The following NCOA5 variants were observed in gnomAD, a reference collection of about 807,000 sequenced individuals.
NCOA5 encodes the protein NCoA-5.
NCOA5 carries 12 observed loss-of-function variants against 59.0 expected under a neutral mutation model. That is an observed-to-expected ratio of 0.20 (90% CI 0.13 to 0.33). The LOEUF is 0.33. Among genes scored for constraint, NCOA5 ranks in the 10% least tolerant of loss-of-function variants. The pLI is 1.00. For synonymous variants in NCOA5, 270 were observed against 275.5 expected, an observed-to-expected ratio of 0.98 and a Z score of 0.20; for missense variants, 655 against 766.6, an observed-to-expected ratio of 0.85 and a Z score of 1.72.
chr20:46,062,104 C>A lies in NCOA5; in HGVS notation c.*196G>T. 2.0e-6 allele frequency: 1 copy of A among 502,364 alleles called. No individual in the cohort carries two copies. The highest frequency in any genetic ancestry group is 3.0e-5 in the East Asian group (1 of 33,788). 31.1% of individuals were successfully genotyped at this position (502,364 alleles called of 1,614,324 possible). A position where few individuals can be genotyped will look rare whatever the true frequency, so the allele number is the denominator to read the frequency against. On this transcript the variant is annotated 3_prime_UTR_variant, in exon 8 of 8. Transcript: ENST00000290231. Reference sequence around the variant, plus strand: ...AAACAAAAAACAAAAAAAGATACAGCCCCAAATGCAGTATAAACTTTGTAA... The same window carrying A: ...AAACAAAAAACAAAAAAAGATACAGACCCAAATGCAGTATAAACTTTGTAA...
At chr20:46,069,022 G>T (rs1184788319) in intron 3 of NCOA5, among the ~76,000 whole-genome samples, 1 of 151,448 alleles carries the variant, frequency 6.6e-6, no homozygotes, top group African/African-American at 2.4e-5. Flanking sequence ...GCCTAGGTTG[G>T]TCTTGAACTC....
chr20:46,063,878 G>A (rs2084794439), intron 6 of NCOA5, among the ~76,000 whole-genome samples, 198 bp from the exon 7 acceptor site: 1 of 152,160 alleles, frequency 6.6e-6, no homozygotes. Context: ...CTTTTGGTGA[G>A]GAGATGCACC....
At chr20:46,077,133 C>A (rs528425696) in intron 2 of NCOA5, among the ~76,000 whole-genome samples, 2 of 152,304 alleles carry the variant, frequency 1.3e-5, no homozygotes, top group South Asian at 4.1e-4. Context: ...CGGTCTCAAA[C>A]TCCTGAGCTC....
intron 2 of NCOA5, among the ~76,000 whole-genome samples, chr20:46,072,868 G>T (rs2084898905): frequency 6.6e-6 from 1 of 152,170 alleles, no homozygotes; most frequent in Admixed American, 6.5e-5. Context: ...GACTACAAGT[G>T]CCACAAGGAC....
intron 3 of NCOA5, among the ~76,000 whole-genome samples, chr20:46,069,379 T>C (rs2084857656): frequency 6.6e-6 from 1 of 152,254 alleles, no homozygotes. Flanking sequence ...TCCTTCATGC[T>C]GTACCACAGA....
intron 2 of NCOA5, among the ~76,000 whole-genome samples, chr20:46,076,303 T>C (rs2084937870): frequency 6.6e-6 from 1 of 151,324 alleles, no homozygotes; most frequent in Non-Finnish European, 1.5e-5. Flanking sequence ...TGGAGTTATC[T>C]CAAGGCTTTG....
At chr20:46,084,904 A>C (rs1453650241) in intron 1 of NCOA5, among the ~76,000 whole-genome samples, 1 of 152,244 alleles carries the variant, frequency 6.6e-6, no homozygotes, top group Non-Finnish European at 1.5e-5. Context: ...ATGAATTTGA[A>C]AAGGATAGCT....
At chr20:46,081,550 G>C (rs780981534) in intron 1 of NCOA5, among the ~76,000 whole-genome samples, 3 of 152,100 alleles carry the variant, frequency 2.0e-5, no homozygotes, top group Non-Finnish European at 4.4e-5. Flanking sequence ...CATTTTGATT[G>C]TAATTTGCCT....
chr20:46,077,390 G>A (rs1306325531), intron 2 of NCOA5, among the ~76,000 whole-genome samples: 1 of 152,158 alleles, frequency 6.6e-6, no homozygotes, highest in African/African-American at 2.4e-5. Context: ...CCCCAACACT[G>A]CAATGTTTGT....
chr20:46,071,702 T>C (rs757798395), intron 2 of NCOA5, among the ~76,000 whole-genome samples: 18 of 152,300 alleles, frequency 1.2e-4, no homozygotes, highest in Middle Eastern at 3.4e-3. Context: ...TCTATCTCAA[T>C]AGTTTTATTT....
At chr20:46,068,732 T>C (rs1409836242) in intron 3 of NCOA5, 94 bp from the exon 4 acceptor site, 3 of 1,233,030 alleles carry the variant, frequency 2.4e-6, no homozygotes, top group Admixed American at 4.4e-5. Context: ...AAATGAGGTT[T>C]ATATCTGGGA....
At chr20:46,081,155 T>A (rs2084987893) in intron 1 of NCOA5, among the ~76,000 whole-genome samples, 1 of 152,120 alleles carries the variant, frequency 6.6e-6, no homozygotes, top group African/African-American at 2.4e-5. Context: ...AGATAAAAAA[T>A]ATACATAACA....
chr20:46,081,561 C>T (rs1188888053), intron 1 of NCOA5, among the ~76,000 whole-genome samples: 2 of 152,046 alleles, frequency 1.3e-5, no homozygotes, highest in Non-Finnish European at 2.9e-5. Context: ...TAATTTGCCT[C>T]GTAGTATCTA....
At chr20:46,074,060 C>G (rs1032523637) in intron 2 of NCOA5, among the ~76,000 whole-genome samples, 2 of 152,148 alleles carry the variant, frequency 1.3e-5, no homozygotes, top group African/African-American at 4.8e-5. Flanking sequence ...ATAATTTTCT[C>G]AAAAGGAAAG....
intron 1 of NCOA5, among the ~76,000 whole-genome samples, chr20:46,086,204 A>G (rs139032143): frequency 2.6e-5 from 4 of 152,344 alleles, no homozygotes; most frequent in South Asian, 4.1e-4. Context: ...AGCTAAAGGT[A>G]TAAGACAAGA....
Position 46,079,460 on chromosome 20 carries a change from A to G in NCOA5, c.-29-7T>C. On this transcript the variant is annotated splice_region_variant and splice_polypyrimidine_tract_variant and intron_variant, in intron 1 of 7. Transcript: ENST00000290231. ...TCCGCTGCCTTATTAATATCTGAAA[A>G]GAATAATCAACCCATCTGTTCAATG... The G allele has an allele frequency of 6.2e-7, 1 of 1,606,442 alleles. No individual in the cohort carries two copies.
Position 46,073,305 on chromosome 20 carries a change from T to C in NCOA5, c.39-2769A>G, listed in dbSNP as rs1012781594. 6.6e-5 allele frequency among the ~76,000 whole-genome samples: 10 copies of C among 152,336 alleles called. 1 individual carries two copies. The highest frequency in any genetic ancestry group is 6.2e-4 in the South Asian group (3 of 4,832). Reference sequence around the variant, plus strand: ...CCAATTTTGCTTCCATGAAAAATATTTGTTATATATTCTAAGGTTCACCAG... The same window carrying C: ...CCAATTTTGCTTCCATGAAAAATATCTGTTATATATTCTAAGGTTCACCAG... On this transcript the variant is annotated intron_variant, in intron 2 of 7. Transcript: ENST00000290231.
At position 46,065,109 on chromosome 20, in the gene NCOA5, G is replaced by C. The variant is rs758436976; in HGVS notation, c.749C>G (p.Ser250Cys). The C allele has an allele frequency of 1.2e-6, 2 of 1,614,196 alleles. No individual in the cohort carries two copies. Among genetic ancestry groups the C allele is most frequent in the South Asian group, 2.2e-5 (2 of 91,084 alleles). Residue 250 changes from serine (S) to cysteine (C), a missense_variant, in exon 6 of 8, where the codon TCT becomes TGT. Ser to Cys is a moderately radical substitution (Grantham distance 112). This residue lies in a region of NCOA5 where 80 missense variants were observed against 153.3 expected (regional missense o/e 0.52). Transcript: ENST00000290231. ...QALEDVSRGG[S>C]PFAIVITQQH... ...CTGGGTGATGACAATAGCAAAAGGAGAACCTCCCCTGCTAACATCCTCCAA... is the reference window on the plus strand; with the variant it reads ...CTGGGTGATGACAATAGCAAAAGGACAACCTCCCCTGCTAACATCCTCCAA...
intron 2 of NCOA5, among the ~76,000 whole-genome samples, chr20:46,077,083 A>G (rs891847803): frequency 6.6e-6 from 1 of 151,904 alleles, no homozygotes; most frequent in Non-Finnish European, 1.5e-5. Context: ...ACGCCCGGCT[A>G]TTTTTTTGTA....
Sources: gnomAD v4.1 joint callset for allele counts (sites outside exome capture counted in the v4.1 genomes callset) on GRCh38, gnomAD v4.1.1 for gene constraint, gnomAD v4.1.1 regional missense constraint, MANE v1.5 for transcripts, NCBI Gene and HGNC (gene_info 2026-07-23, HGNC 2026-07-21) for gene names.